The following CRPPA variants were observed in gnomAD, a reference collection of about 807,000 sequenced individuals.
The protein encoded by CRPPA is CDP-L-ribitol pyrophosphorylase A.
Under a neutral mutation model 52.0 loss-of-function variants are expected in CRPPA, and 43 were observed. That is an observed-to-expected ratio of 0.83 (90% CI 0.65 to 1.07). CRPPA has a LOEUF of 1.07. Ranked by LOEUF, CRPPA falls within the 50% of genes least tolerant of loss-of-function variation. The pLI, the probability that CRPPA is intolerant of heterozygous loss-of-function variation, is 0.00. For synonymous variants in CRPPA, 250 were observed against 203.5 expected, an observed-to-expected ratio of 1.23 and a Z score of -1.94; for missense variants, 629 against 551.7, an observed-to-expected ratio of 1.14 and a Z score of -1.40.
At chr7:16,368,062 T>A (rs1359867292) in intron 3 of CRPPA, among the ~76,000 whole-genome samples, 2 of 152,208 alleles carry the variant, frequency 1.3e-5, no homozygotes, top group Non-Finnish European at 2.9e-5. Flanking sequence ...AGGCCAGGTC[T>A]CTGAACAATA....
chr7:16,288,893 C>G (rs1311098264), intron 5 of CRPPA, among the ~76,000 whole-genome samples: 5 of 77,900 alleles, frequency 6.4e-5, no homozygotes, highest in African/African-American at 2.4e-4. Flanking sequence ...AAAACAAAAA[C>G]AAACCAAAAA....
At chr7:16,284,507 T>C (rs897825281) in intron 5 of CRPPA, among the ~76,000 whole-genome samples, 2 of 152,074 alleles carry the variant, frequency 1.3e-5, no homozygotes, top group African/African-American at 4.8e-5. Context: ...ATATGATCAG[T>C]TTCTGACTTC....
At chr7:16,312,366 G>T (rs1464480055) in intron 3 of CRPPA, among the ~76,000 whole-genome samples, 1 of 151,810 alleles carries the variant, frequency 6.6e-6, no homozygotes, top group African/African-American at 2.4e-5. Context: ...TCATTTTGGG[G>T]GTTGCTAACG....
intron 8 of CRPPA, among the ~76,000 whole-genome samples, chr7:16,241,727 A>C (rs187108045): frequency 1.3e-5 from 2 of 152,238 alleles, no homozygotes; most frequent in Admixed American, 6.5e-5. Flanking sequence ...CAAATACATA[A>C]GGAACTTTAT....
rs192567357 is a variant in CRPPA, at chr7:16,394,267, G to T, written c.534+11794C>A. ...TCCATCACCTGTAAAATGAATTACG[G>T]TATATACAGTAGTGATTACGAACAA... On this transcript the variant is annotated intron_variant, in intron 2 of 9. Coordinates refer to ENST00000407010, the MANE Select transcript of CRPPA (RefSeq NM_001101426.4). Among the ~76,000 whole-genome samples, 274 of 152,210 alleles carry T rather than the reference G, an allele frequency of 1.8e-3. 1 individual carries two copies. The highest frequency in any genetic ancestry group is 6.5e-3 in the African/African-American group (269 of 41,534).
At chr7:16,239,903 G>A (rs1372429929) in intron 8 of CRPPA, among the ~76,000 whole-genome samples, 1 of 152,012 alleles carries the variant, frequency 6.6e-6, no homozygotes, top group African/African-American at 2.4e-5. Flanking sequence ...AAAGTCCTCT[G>A]GAATTCATTT....
intron 9 of CRPPA, among the ~76,000 whole-genome samples, chr7:16,181,717 A>G (rs1781415940): frequency 1.3e-5 from 2 of 152,052 alleles, no homozygotes; most frequent in African/African-American, 4.8e-5. Context: ...ATTCAAGGAT[A>G]TTTCACAACA....
At chr7:16,380,474 G>A (rs963800779) in intron 2 of CRPPA, among the ~76,000 whole-genome samples, 71 of 152,170 alleles carry the variant, frequency 4.7e-4, no homozygotes, top group Non-Finnish European at 8.8e-4. Flanking sequence ...GTCTCTGCCC[G>A]GCTTTGGTAT....
chr7:16,219,549 G>A (rs1305172052), intron 8 of CRPPA, among the ~76,000 whole-genome samples: 1 of 111,154 alleles, frequency 9.0e-6, no homozygotes, highest in African/African-American at 3.2e-5. Context: ...CCGCTAGCAA[G>A]ACTAATAAAG....
In CRPPA at chr7:16,252,151, G is replaced by C. The variant is rs539399706; in HGVS notation, c.1119+6239C>G. On this transcript the variant is annotated intron_variant, in intron 8 of 9. Transcript: ENST00000407010. ...TGTTGAACATCGATGTGAAAATCCT[G>C]AATAAAATACTGGCAAACGATATCC... is the stretch of plus-strand genomic sequence containing the variant. Among the ~76,000 whole-genome samples the C allele has an allele frequency of 2.0e-5, 3 of 152,052 alleles. No homozygotes were observed. In the South Asian group the frequency reaches 6.2e-4, roughly 32 times the overall value.
In CRPPA at chr7:16,218,239, G is replaced by A. The variant is rs1452933159; in HGVS notation, c.1120-2042C>T. Among the ~76,000 whole-genome samples, 646 of 133,394 alleles carry A rather than the reference G, an allele frequency of 4.8e-3. 6 individuals carry two copies. Among genetic ancestry groups the A allele is most frequent in the African/African-American group, 0.018 (625 of 35,660 alleles). 87.5% of individuals were successfully genotyped at this position (133,394 alleles called of 152,430 possible). A position where few individuals can be genotyped will look rare whatever the true frequency, so the allele number is the denominator to read the frequency against. On this transcript the variant is annotated intron_variant, in intron 8 of 9. Transcript: ENST00000407010. ...TAAAATACTTTACAGACAAGCAAAT[G>A]CTGAGAGATTTTGTCACCACCAGGC... is the stretch of plus-strand genomic sequence containing the variant.
chr7:16,140,830 A>T (rs1782855145), intron 9 of CRPPA, among the ~76,000 whole-genome samples: 1 of 152,214 alleles, frequency 6.6e-6, no homozygotes, highest in Non-Finnish European at 1.5e-5. Flanking sequence ...ACGGGTCATG[A>T]AATACTAAGA....
At chr7:16,196,263 T>G (rs536577610) in intron 9 of CRPPA, among the ~76,000 whole-genome samples, 175 of 152,290 alleles carry the variant, frequency 1.1e-3, no homozygotes, top group Non-Finnish European at 2.0e-3. Context: ...GTTGAGTTTC[T>G]GGGCCCGGGT....
At chr7:16,248,886 T>C (rs1783355613) in intron 8 of CRPPA, among the ~76,000 whole-genome samples, 1 of 152,142 alleles carries the variant, frequency 6.6e-6, no homozygotes, top group South Asian at 2.1e-4. Context: ...CCAAGGTCTT[T>C]GCAACTGGCA....
rs1442269150 is a variant in CRPPA, at chr7:16,421,471, A to AGCCCCGCTGTTGCT, written c.-163_-150dup. ...AGAAGGCGCCCCCCTCAGCCGTCGG[A>AGCCCCGCTGTTGCT]GCCCCGCTGTTGCTGCCCCGCAGGG... On this transcript the variant is annotated 5_prime_UTR_variant, in exon 1 of 10. Coordinates refer to ENST00000407010, the MANE Select transcript of CRPPA (RefSeq NM_001101426.4). The AGCCCCGCTGTTGCT allele has an allele frequency of 2.7e-6, 2 of 728,676 alleles. No homozygotes were observed. The highest frequency in any genetic ancestry group is 4.5e-5 in the Admixed American group (1 of 21,998). 45.1% of individuals were successfully genotyped at this position (728,676 alleles called of 1,614,324 possible).
intron 9 of CRPPA, among the ~76,000 whole-genome samples, chr7:16,134,952 C>T (rs1397331282): frequency 6.6e-6 from 1 of 152,146 alleles, no homozygotes; most frequent in Non-Finnish European, 1.5e-5. Flanking sequence ...TGATCACTTA[C>T]TCATATACCT....
At chr7:16,097,247 CA>C (rs796253737) in intron 9 of CRPPA, among the ~76,000 whole-genome samples, 4 of 151,892 alleles carry the variant, frequency 2.6e-5, no homozygotes, top group South Asian at 2.1e-4. Flanking sequence ...AAAGTAATAA[CA>C]AAAAAAGTGT....
intron 2 of CRPPA, among the ~76,000 whole-genome samples, chr7:16,379,504 T>C (rs1787012821): frequency 6.6e-6 from 1 of 152,322 alleles, no homozygotes. Flanking sequence ...AACTTTAAAG[T>C]AGTTTTTTCC....
At chr7:16,329,632 T>C (rs964481059) in intron 3 of CRPPA, among the ~76,000 whole-genome samples, 1 of 152,192 alleles carries the variant, frequency 6.6e-6, no homozygotes, top group Admixed American at 6.5e-5. Context: ...TATCAGACCC[T>C]GCCTAATCTT....
Sources: gnomAD v4.1 joint callset for allele counts (sites outside exome capture counted in the v4.1 genomes callset) on GRCh38, gnomAD v4.1.1 for gene constraint, MANE v1.5 for transcripts, NCBI Gene and HGNC (gene_info 2026-07-23, HGNC 2026-07-21) for gene names.